Variants in ASXL1 observed in about 807,000 individuals in gnomAD.
ASXL1 encodes the protein polycomb group protein ASXL1.
In ASXL1, 65 loss-of-function variants were observed where a neutral mutation model predicts 89.1. The ratio of observed to expected loss-of-function variants is 0.73; its 90% CI spans 0.60 to 0.90. The LOEUF (loss-of-function observed/expected upper bound fraction) is 0.90, where lower values mean the gene tolerates loss of function less well. Ranked by LOEUF, ASXL1 falls within the 40% of genes least tolerant of loss-of-function variation. The pLI is 0.00. For synonymous variants in ASXL1, 739 were observed against 746.9 expected (o/e 0.99, Z 0.17); for missense variants, 1,786 against 1,942.9 (o/e 0.92, Z 1.52).
chr20:32,386,716 C>A lies in ASXL1; in HGVS notation c.252+17593C>A, dbSNP rs1487323341. On this transcript the variant is annotated intron_variant, in intron 4 of 12. Transcript: ENST00000375687. The stretch of plus-strand genomic sequence containing the variant: ...TACAGATGAGAGCCACCGTGCCCGG[C>A]CCATTGTTACTTCTGAAATCGAAAT... Among the ~76,000 whole-genome samples, 12 of 152,026 alleles carry A rather than the reference C, an allele frequency of 7.9e-5. 1 individual carries two copies.
chr20:32,365,793 C>G (rs1395381964), intron 1 of ASXL1, among the ~76,000 whole-genome samples: 2 of 152,134 alleles, frequency 1.3e-5, no homozygotes, highest in African/African-American at 2.4e-5. Flanking sequence ...GCAGAACGTA[C>G]TGTGGCAGTT....
At chr20:32,402,679 C>T (rs1427318828) in intron 4 of ASXL1, among the ~76,000 whole-genome samples, 3 of 152,146 alleles carry the variant, frequency 2.0e-5, no homozygotes, top group East Asian at 1.9e-4. Context: ...GTATCTCATG[C>T]CTTAAATTTG....
intron 4 of ASXL1, among the ~76,000 whole-genome samples, chr20:32,399,549 C>G (rs1600525329): frequency 7.6e-6 from 1 of 132,328 alleles, no homozygotes; most frequent in African/African-American, 2.8e-5. Flanking sequence ...TTTAATTTCT[C>G]TTTTCTTTTT....
At chr20:32,384,205 T>TG (rs2048538504) in intron 4 of ASXL1, among the ~76,000 whole-genome samples, 1 of 136,276 alleles carries the variant, frequency 7.3e-6, no homozygotes, top group South Asian at 2.4e-4. Context: ...TCTGTTTTTT[T>TG]TTTTTTTTTT....
chr20:32,372,945 CTTTT>C (rs71187111), intron 4 of ASXL1, among the ~76,000 whole-genome samples: 1 of 136,558 alleles, frequency 7.3e-6, no homozygotes, highest in Non-Finnish European at 1.6e-5. Context: ...TTTTCTTTTT[CTTTT>C]TTTTTTTTTG....
chr20:32,439,003 T>G lies in ASXL1; in HGVS notation c.*1665T>G. 1 of 233,686 alleles carries G rather than the reference T, an allele frequency of 4.3e-6. No homozygotes were observed. The highest frequency in any genetic ancestry group is 8.5e-6 in the Non-Finnish European group (1 of 118,034). 14.5% of individuals were successfully genotyped at this position (233,686 alleles called of 1,614,324 possible). A position where few individuals can be genotyped will look rare whatever the true frequency, so the allele number is the denominator to read the frequency against. On this transcript the variant is annotated 3_prime_UTR_variant, in exon 13 of 13. Coordinates refer to ENST00000375687, the MANE Select transcript of ASXL1 (RefSeq NM_015338.6). ...AAATTTGTATGACTTCAAGTCTCAT[T>G]TTATCTGAAAGGTTTTTTTCTCATT...
chr20:32,369,940 T>G (rs892172155), intron 4 of ASXL1, among the ~76,000 whole-genome samples: 1 of 151,524 alleles, frequency 6.6e-6, no homozygotes, highest in Non-Finnish European at 1.5e-5. Context: ...AGGCTCGTCT[T>G]GAACTCCTGA....
At chr20:32,395,281 A>T (rs1292600667) in intron 4 of ASXL1, among the ~76,000 whole-genome samples, 1 of 152,148 alleles carries the variant, frequency 6.6e-6, no homozygotes. Flanking sequence ...TTGATACAGA[A>T]TTCTAGGTTG....
chr20:32,393,094 T>A (rs1021663517), intron 4 of ASXL1, among the ~76,000 whole-genome samples: 1 of 152,214 alleles, frequency 6.6e-6, no homozygotes, highest in African/African-American at 2.4e-5. Context: ...ATTGATAATG[T>A]TTAAGTCTTC....
rs1025578632 is a variant in ASXL1, at chr20:32,358,493, G to C, written c.-283G>C. Reference sequence around the variant, plus strand: ...ACCTCTGACCCCGTGGTTATGCGGAGCCGCCGCATTCCTTAGCGATCGCGG... The same window carrying C: ...ACCTCTGACCCCGTGGTTATGCGGACCCGCCGCATTCCTTAGCGATCGCGG... On this transcript the variant is annotated 5_prime_UTR_variant, in exon 1 of 13. Transcript: ENST00000375687. 3 of 230,356 alleles carry C rather than the reference G, an allele frequency of 1.3e-5. No individual in the cohort carries two copies. The highest frequency in any genetic ancestry group is 2.6e-5 in the Non-Finnish European group (3 of 116,506). 14.3% of individuals were successfully genotyped at this position (230,356 alleles called of 1,614,324 possible). A position where few individuals can be genotyped will look rare whatever the true frequency, so the allele number is the denominator to read the frequency against.
rs1415127625 is a variant in ASXL1, at chr20:32,438,997, T to C, written c.*1659T>C. On this transcript the variant is annotated 3_prime_UTR_variant, in exon 13 of 13. Transcript: ENST00000375687. ...AGTATAAAATTTGTATGACTTCAAG[T>C]CTCATTTTATCTGAAAGGTTTTTTT... 2 of 233,600 alleles carry C rather than the reference T, an allele frequency of 8.6e-6. No individual in the cohort carries two copies. Among genetic ancestry groups the C allele is most frequent in the Non-Finnish European group, 1.7e-5 (2 of 118,040 alleles). 14.5% of individuals were successfully genotyped at this position (233,600 alleles called of 1,614,324 possible).
intron 4 of ASXL1, among the ~76,000 whole-genome samples, chr20:32,404,265 T>A (rs1246543771): frequency 6.6e-6 from 1 of 152,210 alleles, no homozygotes; most frequent in Non-Finnish European, 1.5e-5. Context: ...CATGTGATAT[T>A]TATCTTTCTG....
intron 4 of ASXL1, among the ~76,000 whole-genome samples, chr20:32,383,748 G>T (rs144684919): frequency 2.1e-4 from 32 of 152,250 alleles, no homozygotes; most frequent in African/African-American, 7.7e-4. Context: ...CACTGAAGAG[G>T]TATAATTGGT....
At chr20:32,362,267 C>T (rs934257350) in intron 1 of ASXL1, among the ~76,000 whole-genome samples, 1 of 152,178 alleles carries the variant, frequency 6.6e-6, no homozygotes, top group African/African-American at 2.4e-5. Context: ...GTATGCACTT[C>T]CATGGGAACG....
Position 32,436,883 on chromosome 20 carries a change from A to G in ASXL1, c.4171A>G (p.Ser1391Gly). The G allele has an allele frequency of 6.2e-7, 1 of 1,614,202 alleles. No individual in the cohort carries two copies. The highest frequency in any genetic ancestry group is 1.1e-5 in the South Asian group (1 of 91,082). The change falls in exon 13 of 13, where the codon AGT (serine) becomes GGT (glycine). Residue 1391 changes from serine (S) to glycine (G), a missense_variant. By Grantham distance (56) the Ser-to-Gly change is moderately conservative. Around this residue, in one of 3 missense-constraint regions of ASXL1, gnomAD observed 1,418 missense variants for 1,427.8 expected, o/e 0.99. Coordinates refer to ENST00000375687, the MANE Select transcript of ASXL1 (RefSeq NM_015338.6). ...NAENRKATGHSPLELVGHLEG... is the reference protein window; with the variant it reads ...NAENRKATGHGPLELVGHLEG... ...CGAGAACAGGAAAGCTACTGGGCATAGTCCCCTGGAACTGGTGGGTCACTT... is the reference window on the plus strand; with the variant it reads ...CGAGAACAGGAAAGCTACTGGGCATGGTCCCCTGGAACTGGTGGGTCACTT...
chr20:32,370,175 A>G (rs1180945328), intron 4 of ASXL1, among the ~76,000 whole-genome samples: 4 of 152,210 alleles, frequency 2.6e-5, no homozygotes, highest in Admixed American at 2.6e-4. Context: ...TACTTAAATC[A>G]GGTAGAGTTC....
chr20:32,396,439 T>C (rs1276430650), intron 4 of ASXL1, among the ~76,000 whole-genome samples: 1 of 152,214 alleles, frequency 6.6e-6, no homozygotes, highest in African/African-American at 2.4e-5. Flanking sequence ...GTGGGGCGTA[T>C]CCTTTCTGTG....
intron 1 of ASXL1, among the ~76,000 whole-genome samples, chr20:32,362,710 A>G (rs1030031336): frequency 6.6e-6 from 1 of 152,228 alleles, no homozygotes; most frequent in African/African-American, 2.4e-5. Flanking sequence ...TAAGAATTTC[A>G]GTATAGTGTA....
chr20:32,363,040 C>T (rs1440927137), intron 1 of ASXL1, among the ~76,000 whole-genome samples: 1 of 150,134 alleles, frequency 6.7e-6, no homozygotes, highest in Non-Finnish European at 1.5e-5. Flanking sequence ...AGAAGAGATA[C>T]TTAAAAAAAA....
Sources: gnomAD v4.1 joint callset for allele counts (sites outside exome capture counted in the v4.1 genomes callset) on GRCh38, gnomAD v4.1.1 for gene constraint, gnomAD v4.1.1 regional missense constraint, MANE v1.5 for transcripts, NCBI Gene and HGNC (gene_info 2026-07-23, HGNC 2026-07-21) for gene names.